Variants in TCF12 observed in about 807,000 individuals in gnomAD.
TCF12 encodes DNA-binding protein HTF4.
In TCF12, 45 loss-of-function variants were observed where a neutral mutation model predicts 86.0. The ratio of observed to expected loss-of-function variants is 0.52; its 90% CI spans 0.41 to 0.67. The LOEUF is 0.67. Ranked by LOEUF, TCF12 falls within the 30% of genes least tolerant of loss-of-function variation. The probability of loss-of-function intolerance (pLI) is 0.00; values close to 1 mark genes in which losing one functional copy is unlikely to be tolerated. For missense variants in TCF12, 881 were observed against 859.9 expected (o/e 1.02, Z -0.31); for synonymous variants, 330 against 299.6 (o/e 1.10, Z -1.05).
chr15:57,088,860 C>T (rs964337214), intron 4 of TCF12, among the ~76,000 whole-genome samples: 4 of 151,996 alleles, frequency 2.6e-5, no homozygotes, highest in Admixed American at 6.6e-5. Context: ...GATACATTGA[C>T]GTGCTAATAG....
chr15:57,253,277 G>A lies in TCF12; in HGVS notation c.1276G>A (p.Asp426Asn). 6.2e-7 allele frequency: 1 copy of A among 1,613,956 alleles called. No individual in the cohort carries two copies. The highest frequency in any genetic ancestry group is 8.5e-7 in the Non-Finnish European group (1 of 1,179,898). The change falls in exon 16 of 21, where the codon GAT becomes AAT. Residue 426 changes from aspartate to asparagine, a missense_variant. Physicochemically the swap from Asp to Asn is conservative, Grantham distance 23. Transcript: ENST00000333725. ...ATCCATACAGCAGTCTCGAATGGAG[G>A]ATCGTTTAGACAGACTGGATGATGC... ...KDVCEQSRMEDRLDRLDDAIH... is the reference protein window; with the variant it reads ...KDVCEQSRMENRLDRLDDAIH...
intron 3 of TCF12, among the ~76,000 whole-genome samples, chr15:56,927,749 T>G (rs2060078862): frequency 2.0e-5 from 3 of 152,242 alleles, no homozygotes; most frequent in African/African-American, 7.2e-5. Context: ...TTAAAACTAA[T>G]GAATTCCCTT....
At chr15:57,271,304 C>T (rs559106728) in intron 18 of TCF12, among the ~76,000 whole-genome samples, 1 of 152,308 alleles carries the variant, frequency 6.6e-6, no homozygotes, top group Admixed American at 6.5e-5. Context: ...GGTGGATGCC[C>T]CTCCCCCTGC....
chr15:56,979,963 A>G lies in TCF12; in HGVS notation c.148+58865A>G, dbSNP rs181244712. Among the ~76,000 whole-genome samples the G allele has an allele frequency of 2.2e-4, 34 of 152,326 alleles. No homozygotes were observed. In the East Asian group the frequency reaches 6.6e-3, roughly 29 times the overall value. On this transcript the variant is annotated intron_variant, in intron 3 of 20. Coordinates refer to ENST00000333725, the MANE Select transcript of TCF12 (RefSeq NM_207037.2). ...TGTATTGTATTTCCTTAGTATGTCCAGCTTTGAAGGCCAGGTCCAGAATGT... is the reference window on the plus strand; with the variant it reads ...TGTATTGTATTTCCTTAGTATGTCCGGCTTTGAAGGCCAGGTCCAGAATGT...
intron 3 of TCF12, among the ~76,000 whole-genome samples, chr15:56,950,770 TTTTA>T (rs2061234163): frequency 1.7e-5 from 2 of 120,550 alleles, no homozygotes; most frequent in African/African-American, 3.0e-5. Flanking sequence ...TTTTTTTTTT[TTTTA>T]AGTTAGAGTT....
chr15:57,078,591 AC>A (rs1840739280), intron 4 of TCF12, among the ~76,000 whole-genome samples: 1 of 152,186 alleles, frequency 6.6e-6, no homozygotes, highest in Non-Finnish European at 1.5e-5. Context: ...ACACATATAT[AC>A]ATATGCATTA....
intron 3 of TCF12, among the ~76,000 whole-genome samples, chr15:57,051,976 A>T (rs1449009502): frequency 1.3e-5 from 2 of 152,012 alleles, no homozygotes; most frequent in African/African-American, 4.8e-5. Context: ...ATTCTGTTCC[A>T]TTGGTCTATG....
chr15:56,935,216 G>C (rs1429170667), intron 3 of TCF12, among the ~76,000 whole-genome samples: 2 of 152,136 alleles, frequency 1.3e-5, no homozygotes, highest in Non-Finnish European at 2.9e-5. Flanking sequence ...GCTGCCAGTT[G>C]CTCTCTTTTT....
chr15:56,964,973 A>C (rs2061938251), intron 3 of TCF12, among the ~76,000 whole-genome samples: 1 of 152,196 alleles, frequency 6.6e-6, no homozygotes, highest in South Asian at 2.1e-4. Flanking sequence ...TTTTGTATAG[A>C]TCTTTTCCCA....
In TCF12 at chr15:57,087,034, C is replaced by CCCCTCTCTCT. The variant is rs1447625483; in HGVS notation, c.223-4748_223-4739dup. On this transcript the variant is annotated intron_variant, in intron 4 of 20. Coordinates refer to ENST00000333725, the MANE Select transcript of TCF12 (RefSeq NM_207037.2). Reference sequence around the variant, plus strand: ...CTCCCTCTGTCTCCCTCTGTCTCTTCCCCTCTCTCTCCCTCTGTCTCCCTC... The same window carrying CCCCTCTCTCT: ...CTCCCTCTGTCTCCCTCTGTCTCTTCCCCTCTCTCTCCCTCTCTCTCCCTCTGTCTCCCTC... Among the ~76,000 whole-genome samples, 4 of 149,116 alleles carry CCCCTCTCTCT rather than the reference C, an allele frequency of 2.7e-5. No individual in the cohort carries two copies. The South Asian group carries it at 6.4e-4, about 24-fold the overall frequency.
rs574726637 is a variant in TCF12, at chr15:57,046,833, C to G, written c.149-16917C>G. 6.6e-5 allele frequency among the ~76,000 whole-genome samples: 10 copies of G among 152,294 alleles called. No homozygotes were observed. In the South Asian group the frequency reaches 2.1e-3, roughly 32 times the overall value. On this transcript the variant is annotated intron_variant, in intron 3 of 20. Coordinates refer to ENST00000333725, the MANE Select transcript of TCF12 (RefSeq NM_207037.2). ...TTTCCTTCACACTATCGATAAATAT[C>G]TTCCTCTGACTAAAGGCACACCAAG...
At chr15:57,275,067 A>C (rs994121337) in intron 19 of TCF12, among the ~76,000 whole-genome samples, 6 of 152,142 alleles carry the variant, frequency 3.9e-5, no homozygotes, top group Non-Finnish European at 8.8e-5. Flanking sequence ...AGTCTGAGAG[A>C]AGATCTGTCA....
intron 5 of TCF12, among the ~76,000 whole-genome samples, chr15:57,154,218 T>G (rs2053962654): frequency 6.6e-6 from 1 of 152,162 alleles, no homozygotes; most frequent in Admixed American, 6.5e-5. Flanking sequence ...GCACATAATT[T>G]TAAGAATAGG....
At chr15:57,020,121 A>G (rs1238539364) in intron 3 of TCF12, among the ~76,000 whole-genome samples, 4 of 152,218 alleles carry the variant, frequency 2.6e-5, no homozygotes, top group Non-Finnish European at 5.9e-5. Context: ...AAACCCAGTC[A>G]TGTTTAATTG....
chr15:57,248,692 G>A (rs184445093), intron 13 of TCF12, among the ~76,000 whole-genome samples: 253 of 152,304 alleles, frequency 1.7e-3, no homozygotes, highest in African/African-American at 5.7e-3. Context: ...AACAAAGTGC[G>A]TTACACTGGA....
intron 7 of TCF12, among the ~76,000 whole-genome samples, chr15:57,196,073 C>G (rs568000874): frequency 8.6e-5 from 13 of 151,948 alleles, no homozygotes; most frequent in African/African-American, 3.1e-4. Flanking sequence ...AAATATAATC[C>G]CAGCACTTTG....
intron 3 of TCF12, among the ~76,000 whole-genome samples, chr15:56,925,449 C>T (rs1424845302): frequency 6.6e-6 from 1 of 152,132 alleles, no homozygotes; most frequent in Admixed American, 6.5e-5. Flanking sequence ...AGTTTTTAAA[C>T]AAGCCTTTTG....
At position 57,028,238 on chromosome 15, in the gene TCF12, G is replaced by A. The variant is rs564525502; in HGVS notation, c.149-35512G>A. On this transcript the variant is annotated intron_variant, in intron 3 of 20. Coordinates refer to ENST00000333725, the MANE Select transcript of TCF12 (RefSeq NM_207037.2). ...CCGCTTTGGCCTCTCAAAGATTATA[G>A]GTGTGAGCCACCGCGCCCGACTGAA... Among the ~76,000 whole-genome samples the A allele has an allele frequency of 1.8e-3, 281 of 152,220 alleles. 1 individual carries two copies. The highest frequency in any genetic ancestry group is 6.5e-3 in the African/African-American group (271 of 41,544).
chr15:57,182,558 C>A (rs11632069), intron 6 of TCF12, among the ~76,000 whole-genome samples: 57,576 of 151,862 alleles, frequency 0.38, 13,568 homozygotes, highest in Non-Finnish European at 0.52. Flanking sequence ...TACTTTGCCT[C>A]ATCTTATGGA....
Sources: allele counts gnomAD v4.1 joint callset (sites outside exome capture counted in the v4.1 genomes callset), GRCh38; gene constraint gnomAD v4.1.1; transcripts MANE v1.5; gene names NCBI Gene and HGNC (gene_info 2026-07-23, HGNC 2026-07-21).